CUX1: variants seen among roughly 807,000 people sequenced by gnomAD.
CUX1 encodes protein CASP.
A neutral mutation model predicts 158.8 loss-of-function variants in CUX1; 31 were observed. That is an observed-to-expected ratio of 0.20 (90% confidence interval 0.15 to 0.26). CUX1 has a LOEUF of 0.26. Ranked by LOEUF, CUX1 falls within the 10% of genes least tolerant of loss-of-function variation. The probability of loss-of-function intolerance (pLI) is 1.00; values close to 1 mark genes in which losing one functional copy is unlikely to be tolerated. For synonymous variants in CUX1, 879 were observed against 862.1 expected, an observed-to-expected ratio of 1.02 and a Z score of -0.34; for missense variants, 1,589 against 2,014.6, an observed-to-expected ratio of 0.79 and a Z score of 4.04.
At chr7:102,104,926 T>C (rs1830174629) in intron 6 of CUX1, among the ~76,000 whole-genome samples, 1 of 152,142 alleles carries the variant, frequency 6.6e-6, no homozygotes, top group African/African-American at 2.4e-5. Flanking sequence ...GAGGTTTCCT[T>C]GAGCGAAATG....
upstream of CUX1, chr7:101,816,886 C>T: frequency 2.0e-6 from 2 of 979,376 alleles, no homozygotes; most frequent in Non-Finnish European, 2.4e-6. Context: ...GCCGCGCCGC[C>T]GCTCCGGCAC....
intron 6 of CUX1, among the ~76,000 whole-genome samples, chr7:102,109,834 T>C (rs1262412487): frequency 1.3e-5 from 2 of 151,898 alleles, no homozygotes; most frequent in East Asian, 3.9e-4. Context: ...TTGGCCATTG[T>C]AATTCCTCTG....
intron 4 of CUX1, among the ~76,000 whole-genome samples, chr7:102,076,743 G>A (rs141442385): frequency 5.9e-5 from 9 of 152,084 alleles, no homozygotes; most frequent in Admixed American, 1.3e-4. Context: ...AAGTAATTGC[G>A]ACCGGGTGCA....
At chr7:102,053,850 A>G (rs1474162387) in intron 3 of CUX1, among the ~76,000 whole-genome samples, 1 of 131,240 alleles carries the variant, frequency 7.6e-6, no homozygotes, top group African/African-American at 3.0e-5. Context: ...CCTGTTGCCC[A>G]GGGTGGCTGC....
Position 101,858,943 on chromosome 7 carries a change from T to C in CUX1, c.30+41274T>C, listed in dbSNP as rs1479438299. On this transcript the variant is annotated intron_variant, in intron 1 of 23. Coordinates refer to ENST00000292535, the MANE Select transcript of CUX1 (RefSeq NM_181552.4). Reference sequence around the variant, plus strand: ...GGTCTCCCAGGGAATGGCTGTTTAATCACAAGAAAGTCTTCCCTTCATGCG... The same window carrying C: ...GGTCTCCCAGGGAATGGCTGTTTAACCACAAGAAAGTCTTCCCTTCATGCG... 3.3e-5 allele frequency among the ~76,000 whole-genome samples: 5 copies of C among 152,182 alleles called. No homozygotes were observed. The East Asian group carries it at 9.6e-4, about 29-fold the overall frequency.
chr7:101,891,411 G>A (rs1800861569), intron 1 of CUX1, among the ~76,000 whole-genome samples: 1 of 152,136 alleles, frequency 6.6e-6, no homozygotes, highest in Non-Finnish European at 1.5e-5. Flanking sequence ...TAGAGACAAG[G>A]CCTCATAAGT....
chr7:102,127,546 G>T (rs1832770073), intron 8 of CUX1, among the ~76,000 whole-genome samples: 1 of 150,508 alleles, frequency 6.6e-6, no homozygotes, highest in Non-Finnish European at 1.5e-5. Flanking sequence ...CTGATAACAT[G>T]ATTTTGATTT....
chr7:102,155,804 C>T (rs910721510), intron 8 of CUX1, among the ~76,000 whole-genome samples: 3 of 152,124 alleles, frequency 2.0e-5, no homozygotes, highest in African/African-American at 4.8e-5. Context: ...GGAGGTTTCA[C>T]TTTGAGATGA....
chr7:101,984,632 C>T (rs921069330), intron 2 of CUX1, among the ~76,000 whole-genome samples: 1 of 152,084 alleles, frequency 6.6e-6, no homozygotes, highest in Non-Finnish European at 1.5e-5. Context: ...GATGGCATCC[C>T]TCCTGGCACA....
Position 102,202,094 on chromosome 7 carries a change from G to A in CUX1, c.2797G>A (p.Glu933Lys). The A allele has an allele frequency of 1.9e-6, 3 of 1,614,072 alleles. No homozygotes were observed. The highest frequency in any genetic ancestry group is 2.5e-6 in the Non-Finnish European group (3 of 1,180,018). The part of the protein sequence containing the change: ...TKPSVPPLTP[E>K]QYEVYMYQEV... ...GCCCTCGGTCCCCCCGCTGACCCCCGAGCAGTACGAGGTCTACATGTACCA... is the reference window on the plus strand; with the variant it reads ...GCCCTCGGTCCCCCCGCTGACCCCCAAGCAGTACGAGGTCTACATGTACCA... The change falls in exon 18 of 24, where the codon GAG becomes AAG. Residue 933 changes from glutamate (E) to lysine (K), a missense_variant. Physicochemically the swap from Glu to Lys is moderately conservative, Grantham distance 56. Around this residue, in one of 8 missense-constraint regions of CUX1, gnomAD observed 337 missense variants for 409.3 expected, o/e 0.82. Transcript: ENST00000292535.
At chr7:102,224,567 C>G (rs1240999377) in intron 20 of CUX1, among the ~76,000 whole-genome samples, 1 of 152,232 alleles carries the variant, frequency 6.6e-6, no homozygotes, top group Admixed American at 6.5e-5. Flanking sequence ...ATGCCTGGAC[C>G]TCTCAGGGCT....
chr7:102,109,317 A>G (rs1217281374), intron 6 of CUX1, among the ~76,000 whole-genome samples: 1 of 152,236 alleles, frequency 6.6e-6, no homozygotes, highest in Non-Finnish European at 1.5e-5. Flanking sequence ...TAGGCAAAGG[A>G]GATAAGTAGG....
At chr7:101,878,342 G>T (rs1799370588) in intron 1 of CUX1, among the ~76,000 whole-genome samples, 1 of 152,196 alleles carries the variant, frequency 6.6e-6, no homozygotes, top group African/African-American at 2.4e-5. Flanking sequence ...AGAGGGGTGG[G>T]TCCTTTTAGA....
intron 1 of CUX1, among the ~76,000 whole-genome samples, chr7:101,911,056 C>T (rs1243855730): frequency 2.0e-5 from 3 of 152,280 alleles, no homozygotes; most frequent in African/African-American, 7.2e-5. Context: ...TGTACACCAG[C>T]GTCACGGGAT....
At chr7:102,246,159 C>A (rs545144085) in intron 23 of CUX1, among the ~76,000 whole-genome samples, 11 of 152,202 alleles carry the variant, frequency 7.2e-5, no homozygotes, top group South Asian at 4.1e-4. Flanking sequence ...ACCTTCACTA[C>A]CCATATAGCC....
chr7:101,918,241 C>T (rs775474710), intron 2 of CUX1, among the ~76,000 whole-genome samples: 1 of 152,214 alleles, frequency 6.6e-6, no homozygotes, highest in Non-Finnish European at 1.5e-5. Context: ...ATAAATGCCG[C>T]TTGTACTGCA....
intron 4 of CUX1, among the ~76,000 whole-genome samples, chr7:102,087,615 T>C (rs1039488104): frequency 1.1e-4 from 17 of 152,180 alleles, no homozygotes; most frequent in Admixed American, 7.2e-4. Context: ...CTTTAACTTA[T>C]CATTTTATAC....
downstream of CUX1, among the ~76,000 whole-genome samples, chr7:102,262,422 GGATGGAT>G (rs1790472983): frequency 3.9e-5 from 6 of 151,912 alleles, no homozygotes; most frequent in South Asian, 1.3e-3. Flanking sequence ...ATGGATGGAT[GGATGGAT>G]AACTCACAGG....
At chr7:102,088,930 C>A (rs761749931) in intron 4 of CUX1, among the ~76,000 whole-genome samples, 1 of 152,002 alleles carries the variant, frequency 6.6e-6, no homozygotes, top group Non-Finnish European at 1.5e-5. Flanking sequence ...AACATTTTGC[C>A]ACTGTTTCTT....
Sources: gnomAD v4.1 joint callset for allele counts (sites outside exome capture counted in the v4.1 genomes callset) on GRCh38, gnomAD v4.1.1 for gene constraint, gnomAD v4.1.1 regional missense constraint, MANE v1.5 for transcripts, NCBI Gene and HGNC (gene_info 2026-07-23, HGNC 2026-07-21) for gene names.